SND1: variants seen among roughly 807,000 people sequenced by gnomAD.
SND1 encodes the protein staphylococcal nuclease domain-containing protein 1.
In SND1, 38 loss-of-function variants were observed where a neutral mutation model predicts 121.7. The ratio of observed to expected loss-of-function variants is 0.31; its 90% confidence interval spans 0.24 to 0.41. SND1 has a LOEUF of 0.41. Ranked by LOEUF, SND1 falls within the 10% of genes least tolerant of loss-of-function variation. The pLI is 1.00. For missense variants in SND1, 868 were observed against 1,184.6 expected (o/e 0.73, Z 3.92); for synonymous variants, 401 against 447.4 (o/e 0.90, Z 1.31).
At chr7:127,833,681 TGAGA>T (rs149925222) in intron 11 of SND1, among the ~76,000 whole-genome samples, 5 of 149,000 alleles carry the variant, frequency 3.4e-5, no homozygotes, top group South Asian at 2.1e-4. Context: ...CCTGGGGGGT[TGAGA>T]GAGAGAGAGA....
intron 16 of SND1, among the ~76,000 whole-genome samples, chr7:127,991,510 T>G (rs1802524073): frequency 6.6e-6 from 1 of 152,248 alleles, no homozygotes; most frequent in Non-Finnish European, 1.5e-5. Flanking sequence ...CCTGTTGGGC[T>G]GGCTCTTGCA....
intron 10 of SND1, among the ~76,000 whole-genome samples, chr7:127,768,540 G>A (rs374708825): frequency 1.3e-5 from 2 of 152,234 alleles, no homozygotes; most frequent in South Asian, 2.1e-4. Context: ...TCAAATGAAG[G>A]GATAAAACTG....
chr7:127,660,976 G>A (rs1795299586), intron 1 of SND1, among the ~76,000 whole-genome samples: 2 of 152,156 alleles, frequency 1.3e-5, no homozygotes, highest in Admixed American at 1.3e-4. Flanking sequence ...GAAAGAATCA[G>A]TTTGGGATTG....
intron 15 of SND1, among the ~76,000 whole-genome samples, chr7:127,944,141 T>G (rs917786695): frequency 2.0e-5 from 3 of 152,228 alleles, no homozygotes; most frequent in African/African-American, 7.2e-5. Flanking sequence ...TGAAGTGCTT[T>G]TTGAAATACA....
chr7:128,047,329 C>T (rs1792967384), intron 16 of SND1, among the ~76,000 whole-genome samples: 1 of 152,230 alleles, frequency 6.6e-6, no homozygotes, highest in South Asian at 2.1e-4. Flanking sequence ...GTGGTCCCTT[C>T]CCTGCTATTG....
intron 9 of SND1, among the ~76,000 whole-genome samples, chr7:127,717,548 G>T (rs1229949883): frequency 6.6e-6 from 1 of 152,152 alleles, no homozygotes; most frequent in Admixed American, 6.5e-5. Context: ...TTTTGTTGAG[G>T]ACAAGGGTGG....
intron 16 of SND1, among the ~76,000 whole-genome samples, chr7:128,033,030 C>G (rs898169847): frequency 6.6e-6 from 1 of 152,192 alleles, no homozygotes. Context: ...TCTTCGCTGG[C>G]CGGAGTCGCC....
chr7:127,741,622 C>T (rs1796883882), intron 10 of SND1, among the ~76,000 whole-genome samples: 2 of 152,152 alleles, frequency 1.3e-5, no homozygotes, highest in African/African-American at 4.8e-5. Context: ...TCTCCTCCTT[C>T]CTCACTCTTT....
intron 15 of SND1, among the ~76,000 whole-genome samples, chr7:127,975,825 C>G (rs1802107375): frequency 6.6e-6 from 1 of 152,204 alleles, no homozygotes; most frequent in African/African-American, 2.4e-5. Context: ...GTTCTTCTCT[C>G]TGCTCCACTC....
chr7:127,817,753 G>A (rs1270221129), intron 11 of SND1, among the ~76,000 whole-genome samples: 1 of 110,484 alleles, frequency 9.1e-6, no homozygotes, highest in Non-Finnish European at 1.7e-5. Flanking sequence ...TTTTTGGTCA[G>A]GAATCTTACC....
intron 1 of SND1, among the ~76,000 whole-genome samples, chr7:127,657,000 G>A (rs1455526901): frequency 6.6e-6 from 1 of 152,164 alleles, no homozygotes; most frequent in Non-Finnish European, 1.5e-5. Flanking sequence ...GGAACACTAA[G>A]TTTTTACTGT....
At position 127,994,549 on chromosome 7, in the gene SND1, CAAAAAAAAAAAAAAAAAAA is replaced by C. The variant is rs563548702; in HGVS notation, c.1779+3511_1779+3529del. On this transcript the variant is annotated intron_variant, in intron 16 of 23. Transcript: ENST00000354725. ...CTCTCAAATGACGATCACTTTTACT[CAAAAAAAAAAAAAAAAAAA>C]AAAAAAAAAAAAAAAAACAGTAAAT... Among the ~76,000 whole-genome samples the C allele has an allele frequency of 1.6e-3, 75 of 46,240 alleles. 1 individual carries two copies. The highest frequency in any genetic ancestry group is 2.1e-3 in the South Asian group (3 of 1,432). The allele number at this position is 46,240 out of a possible 152,430, so 30.3% of individuals were successfully genotyped here.
chr7:127,907,128 A>G (rs889788704), intron 14 of SND1, among the ~76,000 whole-genome samples: 6 of 152,226 alleles, frequency 3.9e-5, no homozygotes, highest in Non-Finnish European at 7.3e-5. Context: ...CTCGATTTAA[A>G]TGGATGTCAG....
At chr7:127,785,293 A>G (rs1797791830) in intron 10 of SND1, among the ~76,000 whole-genome samples, 2 of 152,218 alleles carry the variant, frequency 1.3e-5, no homozygotes, top group Non-Finnish European at 2.9e-5. Flanking sequence ...ATAGAGAAAC[A>G]AGGGCTAGTC....
intron 10 of SND1, among the ~76,000 whole-genome samples, chr7:127,802,770 T>C (rs914865464): frequency 2.0e-5 from 3 of 152,204 alleles, no homozygotes; most frequent in African/African-American, 7.2e-5. Flanking sequence ...GATCTTACCC[T>C]TCTCCGTTCG....
chr7:127,777,817 C>G (rs1797648598), intron 10 of SND1, among the ~76,000 whole-genome samples: 1 of 152,124 alleles, frequency 6.6e-6, no homozygotes, highest in African/African-American at 2.4e-5. Flanking sequence ...GCTGGAATTA[C>G]AGGCCTGCGC....
chr7:127,780,475 T>C lies in SND1; in HGVS notation c.1153-27009T>C, dbSNP rs115386945. 5.8e-3 allele frequency among the ~76,000 whole-genome samples: 889 copies of C among 152,350 alleles called. 15 individuals are homozygous for C. Among genetic ancestry groups the C allele is most frequent in the African/African-American group, 0.02 (847 of 41,588 alleles). On this transcript the variant is annotated intron_variant, in intron 10 of 23. Transcript: ENST00000354725. ...GTGTCCTGATATTACAGATAATGTA[T>C]GAGGCCCAGTGAGGCTAACTTGTCC...
At position 128,015,795 on chromosome 7, in the gene SND1, A is replaced by G. The variant is rs958179483; in HGVS notation, c.1779+24739A>G. Among the ~76,000 whole-genome samples the G allele has an allele frequency of 2.0e-5, 3 of 152,146 alleles. No homozygotes were observed. Among genetic ancestry groups the G allele is most frequent in the Admixed American group, 2.0e-4 (3 of 15,280 alleles). ...GAGCAGCAGAAATTTGGAGCTGTAC[A>G]GGAATCAGATGTCCCACCTAGCAGG... is the stretch of plus-strand genomic sequence containing the variant. On this transcript the variant is annotated intron_variant, in intron 16 of 23. Coordinates refer to ENST00000354725, the MANE Select transcript of SND1 (RefSeq NM_014390.4). The surrounding 1 kb of genome is among the most constrained non-coding windows in gnomAD (Gnocchi z 4.5).
chr7:128,054,006 G>T (rs1354085395), intron 16 of SND1, among the ~76,000 whole-genome samples: 2 of 152,246 alleles, frequency 1.3e-5, no homozygotes, highest in African/African-American at 4.8e-5. Context: ...CAGGCCCCTG[G>T]AGAAATGGGC....
Sources: allele counts gnomAD v4.1 joint callset (sites outside exome capture counted in the v4.1 genomes callset), GRCh38; gene constraint gnomAD v4.1.1; non-coding constraint Gnocchi (gnomAD v3.1); transcripts MANE v1.5; gene names NCBI Gene and HGNC (gene_info 2026-07-23, HGNC 2026-07-21).